CASK: variants seen among roughly 807,000 people sequenced by gnomAD.
The protein encoded by CASK is calcium/calmodulin dependent serine protein kinase.
CASK carries 4 observed loss-of-function variants against 82.9 expected under a neutral mutation model. The observed-to-expected ratio is 0.05, with a 90% CI of 0.02 to 0.11. The LOEUF (loss-of-function observed/expected upper bound fraction) is 0.11. CASK is among the 10% of genes least tolerant of loss of function. The pLI is 1.00. For missense variants in CASK, 358 were observed against 720.9 expected (o/e 0.50, Z 5.76); for synonymous variants, 259 against 253.5 (o/e 1.02, Z -0.20).
intron 22 of CASK, among the ~76,000 whole-genome samples, chrX:41,540,572 G>T (rs2064934771): frequency 8.9e-6 from 1 of 112,328 alleles, no homozygotes; most frequent in Admixed American, 9.4e-5. Flanking sequence ...GGAGCGAAGT[G>T]ATTTGCCCAA....
At position 41,578,303 on chromosome X, in the gene CASK, C is replaced by T. The variant is rs181530379; in HGVS notation, c.1503+37G>A. ...TAGTTGATATAACTCATGCTGGGAT[C>T]TTATGAGAGTATTGAAAACTTTCTC... is the stretch of plus-strand genomic sequence containing the variant. On this transcript the variant is annotated intron_variant, in intron 15 of 26. Coordinates refer to ENST00000378163, the MANE Select transcript of CASK (RefSeq NM_001367721.1). 1,260 of 1,036,477 alleles carry T rather than the reference C, an allele frequency of 1.2e-3. 11 individuals carry two copies. The African/African-American group carries it at 0.02, about 17-fold the overall frequency. The allele number at this position is 1,036,477 out of a possible 1,213,427, so 85.4% of individuals were successfully genotyped here.
chrX:41,790,411 C>T (rs2069690683), intron 2 of CASK, among the ~76,000 whole-genome samples: 1 of 111,586 alleles, frequency 9.0e-6, no homozygotes, highest in Admixed American at 9.5e-5. Context: ...CTATGTGATA[C>T]ATTGGTTATA....
intron 5 of CASK, among the ~76,000 whole-genome samples, chrX:41,710,620 G>C (rs911016339): frequency 8.9e-6 from 1 of 112,020 alleles, no homozygotes; most frequent in Middle Eastern, 4.2e-3. Context: ...GCATACAACT[G>C]CTAAAATCCT....
intron 5 of CASK, among the ~76,000 whole-genome samples, chrX:41,674,043 T>C (rs1197643539): frequency 9.1e-6 from 1 of 110,159 alleles, no homozygotes; most frequent in Non-Finnish European, 1.9e-5. Context: ...GCTTTGGGTA[T>C]AACTTAGCCC....
intron 1 of CASK, among the ~76,000 whole-genome samples, chrX:41,864,302 C>T: frequency 9.0e-6 from 1 of 111,693 alleles, no homozygotes; most frequent in South Asian, 3.8e-4. Flanking sequence ...ACCTAACACT[C>T]TAAGTCAGGG....
intron 2 of CASK, among the ~76,000 whole-genome samples, chrX:41,798,340 AAT>A (rs1473267009): frequency 8.9e-6 from 1 of 112,558 alleles, no homozygotes; most frequent in Non-Finnish European, 1.9e-5. Context: ...TCAATAATAA[AAT>A]ACAAAGATGA....
intron 5 of CASK, among the ~76,000 whole-genome samples, chrX:41,738,511 T>C (rs1366139518): frequency 1.8e-5 from 2 of 112,531 alleles, no homozygotes; most frequent in African/African-American, 6.5e-5. Flanking sequence ...AGGATTTCTG[T>C]GAAAATTTCC....
At chrX:41,598,266 G>C (rs904636951) in intron 12 of CASK, among the ~76,000 whole-genome samples, 1 of 112,059 alleles carries the variant, frequency 8.9e-6, no homozygotes, top group African/African-American at 3.2e-5. Context: ...GATGGGCAAC[G>C]TAAGTGTGAA....
At chrX:41,615,503 T>G (rs1003478003) in intron 11 of CASK, among the ~76,000 whole-genome samples, 14 of 112,269 alleles carry the variant, frequency 1.2e-4, no homozygotes, top group African/African-American at 4.5e-4. Flanking sequence ...TCTAAACTTC[T>G]GGACTTATGA....
intron 5 of CASK, among the ~76,000 whole-genome samples, chrX:41,731,942 T>A (rs983314119): frequency 9.6e-6 from 1 of 104,553 alleles, no homozygotes; most frequent in Admixed American, 1.0e-4. Flanking sequence ...TTTTTGTATT[T>A]TTTTTTTTTT....
intron 24 of CASK, among the ~76,000 whole-genome samples, chrX:41,531,617 C>A (rs1180160215): frequency 8.9e-6 from 1 of 112,217 alleles, no homozygotes; most frequent in Non-Finnish European, 1.9e-5. Context: ...TTTAAATAAG[C>A]CAAAATTAAA....
chrX:41,777,159 A>G (rs1381479475), intron 3 of CASK, among the ~76,000 whole-genome samples: 1 of 111,912 alleles, frequency 8.9e-6, no homozygotes, highest in African/African-American at 3.2e-5. Flanking sequence ...TGAATCTCAG[A>G]GACCAAAAAT....
rs1427427698 is a variant in CASK at position 41,739,183 on chromosome X, AAAAT to A, written c.429+197_429+200del. Among the ~76,000 whole-genome samples the A allele has an allele frequency of 6.2e-5, 7 of 112,167 alleles. No individual in the cohort carries two copies. The Admixed American group carries it at 6.6e-4, about 11-fold the overall frequency. ...TTTAGATTGCATGAACACTTCAGTA[AAAAT>A]AAATAAATTGAAATTATAGTGTTCC... On this transcript the variant is annotated intron_variant, in intron 5 of 26. Coordinates refer to ENST00000378163, the MANE Select transcript of CASK (RefSeq NM_001367721.1).
chrX:41,707,959 A>G (rs771468330), intron 5 of CASK, among the ~76,000 whole-genome samples: 1 of 110,972 alleles, frequency 9.0e-6, no homozygotes, highest in Admixed American at 9.6e-5. Context: ...CTCTACTAAA[A>G]ATACAAAAAT....
At chrX:41,725,460 AAAG>A (rs1384235140) in intron 5 of CASK, among the ~76,000 whole-genome samples, 4 of 111,283 alleles carry the variant, frequency 3.6e-5, no homozygotes, top group Non-Finnish European at 7.5e-5. Flanking sequence ...ACATGATTAA[AAAG>A]AAGATTGAGA....
intron 5 of CASK, among the ~76,000 whole-genome samples, chrX:41,716,018 T>C (rs984773429): frequency 9.0e-6 from 1 of 111,382 alleles, no homozygotes; most frequent in African/African-American, 3.3e-5. Context: ...GAGAATACCA[T>C]AAAAAAGCCA....
chrX:41,837,499 T>C (rs1424327965), intron 2 of CASK, among the ~76,000 whole-genome samples: 1 of 111,978 alleles, frequency 8.9e-6, no homozygotes, highest in Non-Finnish European at 1.9e-5. Flanking sequence ...AATCCTCACC[T>C]AAACTTTGCA....
At chrX:41,784,735 G>A (rs1168971427) in intron 3 of CASK, among the ~76,000 whole-genome samples, 1 of 110,031 alleles carries the variant, frequency 9.1e-6, no homozygotes. Context: ...AATTAGCCGG[G>A]CATGGTGGCA....
At chrX:41,624,633 A>G (rs112374440) in intron 10 of CASK, among the ~76,000 whole-genome samples, 2,512 of 111,927 alleles carry the variant, frequency 0.022, 64 homozygotes, top group African/African-American at 0.077. Context: ...TGGGGTATCC[A>G]TCACCTCAAG....
Sources: allele counts gnomAD v4.1 joint callset (sites outside exome capture counted in the v4.1 genomes callset), GRCh38; gene constraint gnomAD v4.1.1; transcripts MANE v1.5; gene names NCBI Gene and HGNC (gene_info 2026-07-23, HGNC 2026-07-21).